The following CFAP20DC variants were observed in gnomAD, a reference collection of about 807,000 sequenced individuals.
CFAP20DC encodes protein CFAP20DC.
CFAP20DC carries 84 observed loss-of-function variants against 101.7 expected under a neutral mutation model. The observed-to-expected ratio is 0.83, with a 90% CI of 0.69 to 0.99. The LOEUF is 0.99. Among genes scored for constraint, CFAP20DC ranks in the 50% least tolerant of loss-of-function variants. CFAP20DC has a pLI of 0.00. For synonymous variants in CFAP20DC, 359 were observed against 351.2 expected (o/e 1.02, Z -0.25); for missense variants, 1,007 against 970.3 (o/e 1.04, Z -0.50).
chr3:58,852,122 T>C lies in CFAP20DC; in HGVS notation c.1594-2713A>G, dbSNP rs549255132. Reference sequence around the variant, plus strand: ...TGACTGGGCCACTCCAACCTCTTAGTAGCCATTGCTCTGATTGTGCTTTGT... The same window carrying C: ...TGACTGGGCCACTCCAACCTCTTAGCAGCCATTGCTCTGATTGTGCTTTGT... On this transcript the variant is annotated intron_variant, in intron 12 of 16. Transcript: ENST00000482387. Among the ~76,000 whole-genome samples, 18 of 152,178 alleles carry C rather than the reference T, an allele frequency of 1.2e-4. No homozygotes were observed. In the South Asian group the frequency reaches 3.8e-3, roughly 32 times the overall value.
chr3:58,758,811 G>A (rs1476087884), intron 15 of CFAP20DC, among the ~76,000 whole-genome samples: 1 of 151,988 alleles, frequency 6.6e-6, no homozygotes, highest in East Asian at 1.9e-4. Context: ...CCTTGCGATA[G>A]TTTGCTGAGA....
At chr3:58,798,214 A>G (rs2073401590) in intron 15 of CFAP20DC, among the ~76,000 whole-genome samples, 1 of 151,016 alleles carries the variant, frequency 6.6e-6, no homozygotes, top group Non-Finnish European at 1.5e-5. Context: ...TAAATTGAAA[A>G]CTTTCTGGAA....
At chr3:58,930,913 T>C (rs372019492) in intron 5 of CFAP20DC, among the ~76,000 whole-genome samples, 124 of 152,152 alleles carry the variant, frequency 8.1e-4, no homozygotes, top group Middle Eastern at 3.4e-3. Context: ...TGTCAGACAG[T>C]GGGCGCAGGA....
chr3:58,850,053 A>G (rs960203007), intron 12 of CFAP20DC, among the ~76,000 whole-genome samples: 5 of 152,218 alleles, frequency 3.3e-5, no homozygotes, highest in Admixed American at 1.3e-4. Flanking sequence ...GAAAGCTACA[A>G]TAATTTTACA....
intron 7 of CFAP20DC, among the ~76,000 whole-genome samples, chr3:58,878,066 T>C (rs1432425515): frequency 6.6e-6 from 1 of 151,968 alleles, no homozygotes; most frequent in African/African-American, 2.4e-5. Flanking sequence ...AATTTGAGAG[T>C]GCAAGCCCAA....
At chr3:58,800,260 T>C (rs189632954) in intron 15 of CFAP20DC, among the ~76,000 whole-genome samples, 2 of 152,316 alleles carry the variant, frequency 1.3e-5, no homozygotes, top group East Asian at 3.9e-4. Flanking sequence ...TTTGGAGGTT[T>C]ACAGTATTTG....
chr3:58,936,395 A>G (rs980642596), intron 5 of CFAP20DC, among the ~76,000 whole-genome samples: 6 of 152,198 alleles, frequency 3.9e-5, no homozygotes, highest in Non-Finnish European at 7.3e-5. Context: ...AACTAGAAAT[A>G]CCATTTGACC....
chr3:58,765,507 A>AAAAAAACCAAAAAAAAAAAAAAAAC (rs1553651634), intron 15 of CFAP20DC, among the ~76,000 whole-genome samples: 1 of 146,586 alleles, frequency 6.8e-6, no homozygotes, highest in African/African-American at 2.5e-5. Context: ...AAAAAAAAAA[A>AAAAAAACCAAAAAAAAAAAAAAAAC]CAAACAGAAA....
chr3:58,913,961 A>G lies in CFAP20DC; in HGVS notation c.394-97T>C. The G allele has an allele frequency of 7.7e-7, 1 of 1,302,992 alleles. No homozygotes were observed. Among genetic ancestry groups the G allele is most frequent in the Non-Finnish European group, 1.1e-6 (1 of 934,568 alleles). 80.7% of individuals were successfully genotyped at this position (1,302,992 alleles called of 1,614,324 possible). ...AGACATTCAAAGAGTTGAGGCAGTT[A>G]TCCTGATCAACAAGCCCCAAACTAA... On this transcript the variant is annotated intron_variant, in intron 5 of 16. Transcript: ENST00000482387. This position sits in a 1 kb window ranked among gnomAD's most constrained non-coding sequence, Gnocchi z 4.4.
intron 3 of CFAP20DC, among the ~76,000 whole-genome samples, chr3:58,719,472 CAT>C (rs1355690829): frequency 6.6e-6 from 1 of 152,192 alleles, no homozygotes; most frequent in East Asian, 1.9e-4. Flanking sequence ...GAATAAAATG[CAT>C]AGACTTGTGT....
At chr3:58,771,674 G>C (rs970985545) in intron 15 of CFAP20DC, among the ~76,000 whole-genome samples, 2 of 152,158 alleles carry the variant, frequency 1.3e-5, no homozygotes, top group African/African-American at 4.8e-5. Flanking sequence ...ACCAGGAGAG[G>C]AGAACATTCT....
intron 4 of CFAP20DC, among the ~76,000 whole-genome samples, chr3:58,943,829 ATAGT>A (rs1281765271): frequency 3.9e-5 from 6 of 152,178 alleles, no homozygotes; most frequent in Admixed American, 1.3e-4. Flanking sequence ...AACCTTAAAA[ATAGT>A]TAGAGGAATT....
In CFAP20DC at chr3:58,875,332, G is replaced by A. The variant is rs143801626; in HGVS notation, c.716-5023C>T. Among the ~76,000 whole-genome samples, 3 of 152,280 alleles carry A rather than the reference G, an allele frequency of 2.0e-5. No homozygotes were observed. The East Asian group carries it at 5.8e-4, about 29-fold the overall frequency. On this transcript the variant is annotated intron_variant, in intron 7 of 16. Transcript: ENST00000482387. ...AGGAAGAAATGACATTCACATTCCA[G>A]AGCAATTGGAAAAATCTATTATAGT...
chr3:58,790,594 C>A (rs2072766097), intron 15 of CFAP20DC, among the ~76,000 whole-genome samples: 1 of 152,074 alleles, frequency 6.6e-6, no homozygotes, highest in Non-Finnish European at 1.5e-5. Flanking sequence ...AAGGCTATAG[C>A]AATAGTCCAG....
At chr3:58,844,528 T>C (rs1280622274) in intron 13 of CFAP20DC, among the ~76,000 whole-genome samples, 1 of 139,458 alleles carries the variant, frequency 7.2e-6, no homozygotes, top group Admixed American at 6.9e-5. Flanking sequence ...CTGAGTGACC[T>C]ACAAAGAGAC....
chr3:58,858,809 A>G (rs1293027631), intron 12 of CFAP20DC, among the ~76,000 whole-genome samples: 1 of 152,226 alleles, frequency 6.6e-6, no homozygotes, highest in Admixed American at 6.5e-5. Flanking sequence ...GTGTGGATTG[A>G]CAGCACCTTT....
intron 4 of CFAP20DC, among the ~76,000 whole-genome samples, chr3:59,019,980 G>A (rs184778896): frequency 1.6e-4 from 24 of 151,998 alleles, no homozygotes; most frequent in African/African-American, 5.8e-4. Flanking sequence ...AGGCAGACAG[G>A]AAAATCTACC....
intron 12 of CFAP20DC, among the ~76,000 whole-genome samples, chr3:58,856,311 C>T (rs2078818882): frequency 7.5e-6 from 1 of 132,642 alleles, no homozygotes; most frequent in Admixed American, 7.1e-5. Context: ...CACACACACA[C>T]ACATAACTGA....
chr3:58,813,933 TTGGTTC>T lies in CFAP20DC; in HGVS notation c.2176-7483_2176-7478del, dbSNP rs1389660447. Reference sequence around the variant, plus strand: ...ACTTTCGGCAATTTGCAAGTGAAATTTGGTTCTATGATTTAGGCTTTATTATTTCAC... The same window carrying T: ...ACTTTCGGCAATTTGCAAGTGAAATTTATGATTTAGGCTTTATTATTTCAC... On this transcript the variant is annotated intron_variant, in intron 14 of 16. Transcript: ENST00000482387. Among the ~76,000 whole-genome samples, 5 of 151,998 alleles carry T rather than the reference TTGGTTC, an allele frequency of 3.3e-5. 1 individual carries two copies. The highest frequency in any genetic ancestry group is 1.2e-4 in the African/African-American group (5 of 41,312).
Sources: allele counts gnomAD v4.1 joint callset (sites outside exome capture counted in the v4.1 genomes callset), GRCh38; gene constraint gnomAD v4.1.1; non-coding constraint Gnocchi (gnomAD v3.1); transcripts MANE v1.5; gene names NCBI Gene and HGNC (gene_info 2026-07-23, HGNC 2026-07-21).